KCNAB2: variants seen among roughly 807,000 people sequenced by gnomAD.
KCNAB2 encodes potassium voltage-gated channel subfamily A regulatory beta subunit 2, also known as voltage-gated potassium channel subunit beta-2.
KCNAB2 carries 29 observed loss-of-function variants against 63.6 expected under a neutral mutation model. The observed-to-expected ratio is 0.46, with a 90% CI of 0.34 to 0.62. The LOEUF (loss-of-function observed/expected upper bound fraction) is 0.62. Ranked by LOEUF, KCNAB2 falls within the 20% of genes least tolerant of loss-of-function variation. KCNAB2 has a pLI of 0.01. For missense variants in KCNAB2, 359 were observed against 563.9 expected (o/e 0.64, Z 3.68); for synonymous variants, 222 against 224.2 (o/e 0.99, Z 0.09).
intron 1 of KCNAB2, chr1:6,027,566 A>C (rs1263740573): frequency 6.6e-6 from 1 of 152,238 alleles, no homozygotes. Context: ...TTTTTTGTTC[A>C]TTGCAGCATT....
chr1:6,066,513 G>T (rs532446263), intron 2 of KCNAB2, among the ~76,000 whole-genome samples: 8 of 152,272 alleles, frequency 5.3e-5, no homozygotes, highest in African/African-American at 1.9e-4. Context: ...AGATGGTGAG[G>T]GCGCCGTCTT....
intron 4 of KCNAB2, among the ~76,000 whole-genome samples, chr1:6,077,727 A>G (rs1025572407): frequency 1.9e-4 from 29 of 152,194 alleles, no homozygotes; most frequent in African/African-American, 6.5e-4. Context: ...GAGCAGAGCC[A>G]GGAGCATCCG....
At chr1:6,055,731 G>T (rs1661759984) in intron 2 of KCNAB2, among the ~76,000 whole-genome samples, 1 of 152,138 alleles carries the variant, frequency 6.6e-6, no homozygotes, top group African/African-American at 2.4e-5. Flanking sequence ...GGGCGGGGAG[G>T]GTGGTGGCCT....
intron 9 of KCNAB2, 113 bp from the exon 10 acceptor site, chr1:6,091,150 A>G: frequency 1.3e-6 from 1 of 755,452 alleles, no homozygotes; most frequent in Non-Finnish European, 2.3e-6. Context: ...TTTTAACTAA[A>G]CGCGTGTTCT....
chr1:6,058,608 C>T (rs898560969), intron 2 of KCNAB2, among the ~76,000 whole-genome samples: 3 of 152,250 alleles, frequency 2.0e-5, no homozygotes, highest in African/African-American at 7.2e-5. Context: ...GGGACCTTCC[C>T]ACACAGCAGT....
intron 1 of KCNAB2, among the ~76,000 whole-genome samples, chr1:6,027,745 G>A (rs756831131): frequency 3.9e-5 from 6 of 152,132 alleles, no homozygotes; most frequent in Non-Finnish European, 5.9e-5. Flanking sequence ...TGCTCCGTTC[G>A]GCAGTCATGA....
rs552971850 is a variant in KCNAB2 at position 6,011,034 on chromosome 1, G to A, written c.-53+18246G>A. On this transcript the variant is annotated intron_variant, in intron 1 of 16. Transcript: ENST00000341524. ...TGGAAAGTGCAACTCTCTACCTGCTGTTGCCCACCACCAGGACGACCACTG... is the reference window on the plus strand; with the variant it reads ...TGGAAAGTGCAACTCTCTACCTGCTATTGCCCACCACCAGGACGACCACTG... Among the ~76,000 whole-genome samples the A allele has an allele frequency of 8.5e-4, 129 of 152,316 alleles. 1 individual carries two copies. The highest frequency in any genetic ancestry group is 2.9e-3 in the African/African-American group (122 of 41,558).
chr1:6,028,124 T>C lies in KCNAB2; in HGVS notation c.-52-12393T>C, dbSNP rs537232626. 3.3e-5 allele frequency among the ~76,000 whole-genome samples: 5 copies of C among 152,306 alleles called. No individual in the cohort carries two copies. The highest frequency in any genetic ancestry group is 1.2e-4 in the African/African-American group (5 of 41,558). ...CGGCCCCCTAGGGTCTTGACCCCAG[T>C]GCACTCAGAGTCAGCACCTGCCTTC... On this transcript the variant is annotated intron_variant, in intron 1 of 16. Transcript: ENST00000341524. The surrounding 1 kb of genome is among the most constrained non-coding windows in gnomAD (Gnocchi z 4.0).
At position 6,099,745 on chromosome 1, in the gene KCNAB2, A is replaced by C. The variant is rs1571123265; in HGVS notation, c.*1171A>C. 1.4e-6 allele frequency: 2 copies of C among 1,451,802 alleles called. No homozygotes were observed. Among genetic ancestry groups the C allele is most frequent in the South Asian group, 2.9e-5 (2 of 68,152 alleles). The allele number at this position is 1,451,802 out of a possible 1,614,324, so 89.9% of individuals were successfully genotyped here. A position where few individuals can be genotyped will look rare whatever the true frequency, so the allele number is the denominator to read the frequency against. ...CAGCACCCCCACAATGTAGGAAAAG[A>C]CCTCAGGGAACCTCTCCCTGGAAAG... is the stretch of plus-strand genomic sequence containing the variant. On this transcript the variant is annotated 3_prime_UTR_variant, in exon 16 of 16. Transcript: ENST00000378083.
At chr1:6,045,724 T>C (rs1285251763), upstream of KCNAB2, among the ~76,000 whole-genome samples, 1 of 152,076 alleles carries the variant, frequency 6.6e-6, no homozygotes, top group East Asian at 1.9e-4. This position sits in a 1 kb window ranked among gnomAD's most constrained non-coding sequence, Gnocchi z 4.8. Context: ...AGGCTCTGTG[T>C]CCCGCACTCA....
chr1:6,017,788 C>CAAA, intron 1 of KCNAB2, among the ~76,000 whole-genome samples: 1 of 116,638 alleles, frequency 8.6e-6, no homozygotes, highest in African/African-American at 3.1e-5. Flanking sequence ...AAGACTGTCT[C>CAAA]AAAAAAAAAA....
chr1:6,096,646 G>A lies in KCNAB2; in HGVS notation c.959G>A (p.Trp320Ter). Residue 320 changes from tryptophan to a stop codon, truncating the protein, a stop_gained, in exon 14 of 16, where the codon TGG (tryptophan) becomes TAG (stop). Transcript: ENST00000378083. LOFTEE classifies it high-confidence loss of function. This position sits in a 1 kb window ranked among gnomAD's most constrained non-coding sequence, Gnocchi z 5.9. ...CTCCCCCGCAACCAGGGCTACCAGTGGCTGAAGGACAAGATCCTCAGTGAG... is the reference window on the plus strand; with the variant it reads ...CTCCCCCGCAACCAGGGCTACCAGTAGCTGAAGGACAAGATCCTCAGTGAG... ...YSRASLKGYQ[W>*]LKDKILSEEG... 1 of 1,610,834 alleles carries A rather than the reference G, an allele frequency of 6.2e-7. No homozygotes were observed. The highest frequency in any genetic ancestry group is 8.5e-7 in the Non-Finnish European group (1 of 1,179,188).
intron 2 of KCNAB2, among the ~76,000 whole-genome samples, chr1:6,058,709 G>T (rs368056406): frequency 1.1e-4 from 17 of 152,358 alleles, no homozygotes; most frequent in African/African-American, 3.8e-4. Context: ...GTTCAGTGCC[G>T]CGCAGACAAG....
rs188420124 is a variant in KCNAB2 at position 5,999,076 on chromosome 1, G to A, written c.-53+6288G>A. On this transcript the variant is annotated intron_variant, in intron 1 of 16. Coordinates refer to the KCNAB2 transcript ENST00000341524. ...CTCTTTCGTCCGCCCCTTTAGAGAC[G>A]ATTTCAACGGCGCATTCTTCCATTT... is the stretch of plus-strand genomic sequence containing the variant. Among the ~76,000 whole-genome samples the A allele has an allele frequency of 4.6e-5, 7 of 152,366 alleles. No individual in the cohort carries two copies. In the South Asian group the frequency reaches 6.2e-4, roughly 14 times the overall value.
rs751212285 is a variant in KCNAB2, at chr1:6,095,297, C to T, written c.733-26C>T. On this transcript the variant is annotated intron_variant, in intron 11 of 15. Coordinates refer to ENST00000378083, the MANE Select transcript of KCNAB2 (RefSeq NM_001199862.2). ...TCCCGCCTGCTCACAGGCAAGGGCC[C>T]TCGGGGTCCCTTTCTGCCTTCACAG... The T allele has an allele frequency of 1.9e-6, 3 of 1,600,826 alleles. No individual in the cohort carries two copies. In the East Asian group the frequency reaches 6.8e-5, roughly 36 times the overall value.
At position 6,089,070 on chromosome 1, in the gene KCNAB2, A is replaced by C; in HGVS notation, c.514+19A>C. Reference sequence around the variant, plus strand: ...ATCGAAGGTGAGGACGCGCTCGGGCACCTCAGGGCCCCCATACCTGTGGGA... The same window carrying C: ...ATCGAAGGTGAGGACGCGCTCGGGCCCCTCAGGGCCCCCATACCTGTGGGA... On this transcript the variant is annotated intron_variant, in intron 8 of 15. Transcript: ENST00000378083. 3.9e-6 allele frequency: 6 copies of C among 1,547,058 alleles called. No individual in the cohort carries two copies. The South Asian group carries it at 7.2e-5, about 18-fold the overall frequency.
upstream of KCNAB2, among the ~76,000 whole-genome samples, chr1:6,030,805 T>G (rs2100389054): frequency 6.6e-6 from 1 of 151,710 alleles, no homozygotes. Flanking sequence ...GGTGTGTAGG[T>G]GTGTGTGTAT....
upstream of KCNAB2, among the ~76,000 whole-genome samples, chr1:6,042,836 A>AC (rs1557442488): frequency 8.9e-3 from 105 of 11,856 alleles, 1 homozygote; most frequent in South Asian, 0.016. Flanking sequence ...CCGCGCCCCC[A>AC]CTCCCCACCC....
intron 10 of KCNAB2, among the ~76,000 whole-genome samples, chr1:6,092,327 C>T (rs1373399805): frequency 6.6e-6 from 1 of 152,224 alleles, no homozygotes; most frequent in Non-Finnish European, 1.5e-5. Flanking sequence ...TTGCCTAGGA[C>T]TCCCCACCTC....
Sources: allele counts gnomAD v4.1 joint callset (sites outside exome capture counted in the v4.1 genomes callset), GRCh38; gene constraint gnomAD v4.1.1; non-coding constraint Gnocchi (gnomAD v3.1); transcripts MANE v1.5; gene names NCBI Gene and HGNC (gene_info 2026-07-23, HGNC 2026-07-21).